Variants in P4HA2 observed in about 807,000 individuals in gnomAD.
P4HA2 encodes prolyl 4-hydroxylase subunit alpha-2.
In P4HA2, 46 loss-of-function variants were observed where a neutral mutation model predicts 76.9. The ratio of observed to expected loss-of-function variants is 0.60; its 90% confidence interval spans 0.47 to 0.76. The LOEUF (loss-of-function observed/expected upper bound fraction) is 0.76, where lower values mean the gene tolerates loss of function less well. Among genes scored for constraint, P4HA2 ranks in the 30% least tolerant of loss-of-function variants. P4HA2 has a pLI of 0.00. For missense variants in P4HA2, 583 were observed against 669.4 expected, an observed-to-expected ratio of 0.87 and a Z score of 1.42; for synonymous variants, 243 against 254.0, an observed-to-expected ratio of 0.96 and a Z score of 0.41.
At chr5:132,193,841 T>C (rs562110894) in intron 14 of P4HA2, among the ~76,000 whole-genome samples, 1 of 152,310 alleles carries the variant, frequency 6.6e-6, no homozygotes, top group South Asian at 2.1e-4. Context: ...TTTATTTCAA[T>C]GCACTACTGA....
intron 7 of P4HA2, among the ~76,000 whole-genome samples, chr5:132,208,284 C>A (rs917326283): frequency 3.2e-4 from 42 of 133,054 alleles, no homozygotes; most frequent in Middle Eastern, 3.8e-3. Flanking sequence ...CAGGGTGAGA[C>A]GAAAGAAAGA....
At chr5:132,221,434 T>C (rs951653363) in intron 1 of P4HA2, among the ~76,000 whole-genome samples, 1 of 152,190 alleles carries the variant, frequency 6.6e-6, no homozygotes, top group Admixed American at 6.5e-5. Context: ...ATTAGGAAAC[T>C]ACAACAATAG....
rs775304080 is a variant in P4HA2 at position 132,209,245 on chromosome 5, T to C, written c.796A>G (p.Thr266Ala). The C allele has an allele frequency of 5.6e-6, 9 of 1,613,920 alleles. No homozygotes were observed. The African/African-American group carries it at 1.2e-4, about 22-fold the overall frequency. Residue 266 changes from threonine (T) to alanine (A), a missense_variant, in exon 7 of 15, where the codon ACA becomes GCA. Coordinates refer to ENST00000360568, the MANE Select transcript of P4HA2 (RefSeq NM_001017974.2). ...TCTGGGGTTGCTAGCTCAGCTTCTG[T>C]CTGATTTGTTAACGTTTTTTCTCTC... ...EEREKTLTNQTEAELATPEGI... is the reference protein window; with the variant it reads ...EEREKTLTNQAEAELATPEGI...
chr5:132,205,310 C>T (rs1752060986), intron 8 of P4HA2, among the ~76,000 whole-genome samples: 1 of 151,918 alleles, frequency 6.6e-6, no homozygotes, highest in Non-Finnish European at 1.5e-5. Context: ...AGCAGCAATC[C>T]AGAGGCCTGG....
chr5:132,209,438 C>A lies in P4HA2; in HGVS notation c.710-107G>T, dbSNP rs539049183. ...TCTCTCCCAGCAGCTCACCTGCATG[C>A]TGCATTCTACCTTCCACAGCATCTA... On this transcript the variant is annotated intron_variant, in intron 6 of 14. Transcript: ENST00000360568. 11 of 887,644 alleles carry A rather than the reference C, an allele frequency of 1.2e-5. No homozygotes were observed. The South Asian group carries it at 1.7e-4, about 14-fold the overall frequency. The allele number at this position is 887,644 out of a possible 1,614,324, so 55.0% of individuals were successfully genotyped here.
At chr5:132,224,661 A>C (rs1230841782) in intron 1 of P4HA2, among the ~76,000 whole-genome samples, 1 of 152,214 alleles carries the variant, frequency 6.6e-6, no homozygotes, top group Non-Finnish European at 1.5e-5. Context: ...ATAACCCTGG[A>C]ACTGGTCAAT....
At chr5:132,221,120 T>C (rs1386453995) in intron 1 of P4HA2, among the ~76,000 whole-genome samples, 4 of 152,108 alleles carry the variant, frequency 2.6e-5, no homozygotes, top group African/African-American at 9.7e-5. Flanking sequence ...AAGGCCAACC[T>C]CCAACCCATC....
intron 5 of P4HA2, among the ~76,000 whole-genome samples, chr5:132,213,026 A>G (rs927127819): frequency 6.6e-6 from 1 of 152,174 alleles, no homozygotes; most frequent in Non-Finnish European, 1.5e-5. Context: ...GCAGCCCTCA[A>G]AACATCTTCT....
In P4HA2 at chr5:132,191,696, ATTAT is replaced by A. The variant is rs1033097515; in HGVS notation, c.*1310_*1313del. 6.6e-6 allele frequency: 1 copy of A among 152,154 alleles called. No individual in the cohort carries two copies. Among genetic ancestry groups the A allele is most frequent in the African/African-American group, 2.4e-5 (1 of 41,412 alleles). The allele number at this position is 152,154 out of a possible 1,614,324, so 9.4% of individuals were successfully genotyped here. ...AATGTGTATAACCACCTTGGAATAC[ATTAT>A]TTAGTAAAGTTGGAACACCATTAAG... On this transcript the variant is annotated 3_prime_UTR_variant, in exon 15 of 15. Transcript: ENST00000360568.
At chr5:132,225,754 T>A (rs1755303632) in intron 1 of P4HA2, among the ~76,000 whole-genome samples, 1 of 152,200 alleles carries the variant, frequency 6.6e-6, no homozygotes, top group Admixed American at 6.5e-5. Flanking sequence ...GGTGACTAAG[T>A]AAGCACTGTC....
intron 1 of P4HA2, 24 bp from the exon 2 acceptor site, chr5:132,218,668 A>C (rs200385335): frequency 7.0e-6 from 10 of 1,431,668 alleles, no homozygotes; most frequent in Non-Finnish European, 8.9e-6. Context: ...AATGACAATC[A>C]CTGGATCAAC....
chr5:132,205,001 G>T (rs1483370952), intron 8 of P4HA2, among the ~76,000 whole-genome samples: 4 of 152,234 alleles, frequency 2.6e-5, no homozygotes, highest in Non-Finnish European at 5.9e-5. Flanking sequence ...ATAGGCCCAG[G>T]TACTCCCACC....
chr5:132,227,586 C>T (rs1339447483), intron 1 of P4HA2: 1 of 152,508 alleles, frequency 6.6e-6, no homozygotes, highest in East Asian at 1.9e-4. Flanking sequence ...GCACAAGAAC[C>T]CAGACGGGTG....
intron 5 of P4HA2, among the ~76,000 whole-genome samples, chr5:132,212,086 T>C (rs1753168136): frequency 6.6e-6 from 1 of 152,084 alleles, no homozygotes; most frequent in African/African-American, 2.4e-5. Context: ...CAATCAGACA[T>C]GGAGTAGCCT....
Position 132,192,962 on chromosome 5 carries a change from C to T in P4HA2, c.*48G>A, listed in dbSNP as rs777656754. 1.3e-5 allele frequency: 16 copies of T among 1,204,554 alleles called. No individual in the cohort carries two copies. The Admixed American group carries it at 1.3e-4, about 10-fold the overall frequency. 74.6% of individuals were successfully genotyped at this position (1,204,554 alleles called of 1,614,324 possible). On this transcript the variant is annotated 3_prime_UTR_variant, in exon 15 of 15. Coordinates refer to ENST00000360568, the MANE Select transcript of P4HA2 (RefSeq NM_001017974.2). ...AAGGAACATACAAAGGTGTCTGTCA[C>T]GTTGACATGGGCTGAAGGACCAGGA... is the stretch of plus-strand genomic sequence containing the variant.
intron 9 of P4HA2, 104 bp downstream of exon 9, chr5:132,203,978 G>T: frequency 8.7e-7 from 1 of 1,147,490 alleles, no homozygotes; most frequent in Non-Finnish European, 1.3e-6. Flanking sequence ...GGGGTGAGGA[G>T]GTGCCAGCAG....
At chr5:132,205,566 G>A (rs903011048) in intron 8 of P4HA2, among the ~76,000 whole-genome samples, 6 of 152,206 alleles carry the variant, frequency 3.9e-5, no homozygotes, top group Non-Finnish European at 5.9e-5. Context: ...GTGAGGCCAC[G>A]ACAGAGGTCA....
At chr5:132,193,910 T>C (rs933333574) in intron 14 of P4HA2, among the ~76,000 whole-genome samples, 1 of 152,156 alleles carries the variant, frequency 6.6e-6, no homozygotes, top group Non-Finnish European at 1.5e-5. Context: ...AAAAATAAAA[T>C]TGTCGCAAGG....
chr5:132,205,214 T>G (rs1335217207), intron 8 of P4HA2, among the ~76,000 whole-genome samples: 1 of 152,136 alleles, frequency 6.6e-6, no homozygotes, highest in Non-Finnish European at 1.5e-5. Context: ...CAAGAATAGC[T>G]TCCTAGGGGA....
Sources: allele counts gnomAD v4.1 joint callset (sites outside exome capture counted in the v4.1 genomes callset), GRCh38; gene constraint gnomAD v4.1.1; transcripts MANE v1.5; gene names NCBI Gene and HGNC (gene_info 2026-07-23, HGNC 2026-07-21).